PRKD1: variants seen among roughly 807,000 people sequenced by gnomAD.
The protein encoded by PRKD1 is serine/threonine-protein kinase D1.
PRKD1 carries 63 observed loss-of-function variants against 95.9 expected under a neutral mutation model. That is an observed-to-expected ratio of 0.66 (90% confidence interval 0.54 to 0.81). PRKD1 has a LOEUF of 0.81. Among genes scored for constraint, PRKD1 ranks in the 30% least tolerant of loss-of-function variants. PRKD1 has a pLI of 0.00. For missense variants in PRKD1, 1,048 were observed against 1,165.3 expected (o/e 0.90, Z 1.47); for synonymous variants, 425 against 423.1 (o/e 1.00, Z -0.05).
intron 1 of PRKD1, among the ~76,000 whole-genome samples, chr14:29,740,451 C>T (rs1886937321): frequency 6.6e-6 from 1 of 152,124 alleles, no homozygotes; most frequent in Admixed American, 6.6e-5. Context: ...GGAATATTTT[C>T]AAGGTGACAG....
chr14:29,887,106 C>T (rs1255373499), intron 1 of PRKD1, among the ~76,000 whole-genome samples: 1 of 152,174 alleles, frequency 6.6e-6, no homozygotes, highest in Admixed American at 6.5e-5. Flanking sequence ...TGCCTGCTGT[C>T]AATTGTTTGT....
chr14:29,759,071 T>C (rs1887846920), intron 1 of PRKD1, among the ~76,000 whole-genome samples: 2 of 152,248 alleles, frequency 1.3e-5, no homozygotes, highest in South Asian at 4.1e-4. Flanking sequence ...ATTTTGGTCT[T>C]AACCATCATC....
At chr14:29,909,297 C>G (rs574313705) in intron 1 of PRKD1, among the ~76,000 whole-genome samples, 64 of 149,028 alleles carry the variant, frequency 4.3e-4, no homozygotes, top group African/African-American at 1.5e-3. Context: ...ACCCCCCCCG[C>G]CCCCCATGGG....
chr14:29,914,409 C>T (rs984560235), intron 1 of PRKD1, among the ~76,000 whole-genome samples: 2 of 152,198 alleles, frequency 1.3e-5, no homozygotes, highest in African/African-American at 2.4e-5. Context: ...AATAAACATA[C>T]ATATTTGTGA....
intron 1 of PRKD1, among the ~76,000 whole-genome samples, chr14:29,743,426 A>G (rs1221524909): frequency 6.6e-6 from 1 of 152,164 alleles, no homozygotes; most frequent in African/African-American, 2.4e-5. Flanking sequence ...TATATGGAGA[A>G]AGAGAGAGAA....
intron 1 of PRKD1, among the ~76,000 whole-genome samples, chr14:29,779,553 T>A (rs1462987349): frequency 6.6e-6 from 1 of 152,002 alleles, no homozygotes; most frequent in Non-Finnish European, 1.5e-5. Flanking sequence ...TCAAAGAGAA[T>A]AAAATACCTA....
At chr14:29,714,263 ACTTCCACAATATG>A (rs1423769833) in intron 2 of PRKD1, among the ~76,000 whole-genome samples, 5 of 152,192 alleles carry the variant, frequency 3.3e-5, no homozygotes, top group Admixed American at 3.3e-4. Flanking sequence ...CTTCCATGAG[ACTTCCACAATATG>A]CTTCCACAAT....
rs537448180 is a variant in PRKD1 at position 29,824,784 on chromosome 14, G to A, written c.265-99110C>T. The stretch of plus-strand genomic sequence containing the variant: ...GTGATTTGGAGATAGTTATGAAATC[G>A]GCCATATGAAATCTCTAGGTATATC... On this transcript the variant is annotated intron_variant, in intron 1 of 17. Coordinates refer to ENST00000331968, the MANE Select transcript of PRKD1 (RefSeq NM_002742.3). 1.2e-3 allele frequency among the ~76,000 whole-genome samples: 189 copies of A among 151,978 alleles called. 5 individuals are homozygous for A. The highest frequency in any genetic ancestry group is 3.4e-3 in the African/African-American group (141 of 41,464).
intron 1 of PRKD1, among the ~76,000 whole-genome samples, chr14:29,744,682 G>C (rs1387137479): frequency 6.6e-6 from 1 of 152,122 alleles, no homozygotes; most frequent in Non-Finnish European, 1.5e-5. Flanking sequence ...GAGTAGTTGG[G>C]ATTACAGGTG....
intron 1 of PRKD1, among the ~76,000 whole-genome samples, chr14:29,748,253 T>C (rs1241396565): frequency 1.3e-5 from 2 of 152,202 alleles, no homozygotes; most frequent in African/African-American, 4.8e-5. Context: ...AAAATAAAGT[T>C]AATGTCTACA....
intron 1 of PRKD1, among the ~76,000 whole-genome samples, chr14:29,844,776 G>C (rs1892014608): frequency 6.6e-6 from 1 of 152,274 alleles, no homozygotes; most frequent in Non-Finnish European, 1.5e-5. Context: ...GTTGGCAGAA[G>C]CTTATACCAA....
At chr14:29,832,909 C>T (rs1469917623) in intron 1 of PRKD1, among the ~76,000 whole-genome samples, 3 of 151,822 alleles carry the variant, frequency 2.0e-5, no homozygotes, top group African/African-American at 7.3e-5. Flanking sequence ...CCTTTTGTAC[C>T]TAGGTATCAC....
intron 2 of PRKD1, among the ~76,000 whole-genome samples, chr14:29,667,354 G>C (rs1437636132): frequency 6.6e-6 from 1 of 152,166 alleles, no homozygotes; most frequent in Non-Finnish European, 1.5e-5. Flanking sequence ...AACTTTGTAA[G>C]ATTTTATTTT....
intron 1 of PRKD1, among the ~76,000 whole-genome samples, chr14:29,759,144 C>A (rs1009312388): frequency 5.9e-5 from 9 of 152,044 alleles, no homozygotes; most frequent in Non-Finnish European, 1.3e-4. Flanking sequence ...GTTGTACAAT[C>A]ACAGTTAACA....
At chr14:29,849,959 C>T (rs1288608519) in intron 1 of PRKD1, among the ~76,000 whole-genome samples, 1 of 152,096 alleles carries the variant, frequency 6.6e-6, no homozygotes, top group Non-Finnish European at 1.5e-5. Context: ...ACCATAAAAT[C>T]ATCTCAATAG....
chr14:29,594,757 A>G (rs1188478317), intron 16 of PRKD1, among the ~76,000 whole-genome samples: 1 of 152,180 alleles, frequency 6.6e-6, no homozygotes, highest in Non-Finnish European at 1.5e-5. Context: ...GCCAGATACG[A>G]TTAATAGTTG....
At chr14:29,795,401 C>T (rs1313947342) in intron 1 of PRKD1, among the ~76,000 whole-genome samples, 1 of 151,880 alleles carries the variant, frequency 6.6e-6, no homozygotes, top group Non-Finnish European at 1.5e-5. Context: ...GTATTCTTAC[C>T]TCAATTTTGC....
intron 1 of PRKD1, among the ~76,000 whole-genome samples, chr14:29,826,850 T>TATATACACAC (rs1891210957): frequency 1.1e-5 from 1 of 87,690 alleles, no homozygotes; most frequent in African/African-American, 4.8e-5. Flanking sequence ...CACACATATA[T>TATATACACAC]ATATATATAT....
chr14:29,593,125 G>A (rs1893186542), intron 16 of PRKD1, among the ~76,000 whole-genome samples: 1 of 151,978 alleles, frequency 6.6e-6, no homozygotes, highest in Non-Finnish European at 1.5e-5. Context: ...TCAAAGGCTG[G>A]GTGATTAAAC....
Sources: allele counts gnomAD v4.1 joint callset (sites outside exome capture counted in the v4.1 genomes callset), GRCh38; gene constraint gnomAD v4.1.1; transcripts MANE v1.5; gene names NCBI Gene and HGNC (gene_info 2026-07-23, HGNC 2026-07-21).